CCND2: variants seen among roughly 807,000 people sequenced by gnomAD.
The protein encoded by CCND2 is cyclin D2.
A neutral mutation model predicts 30.2 loss-of-function variants in CCND2; 6 were observed. The observed-to-expected ratio is 0.20, with a 90% CI of 0.11 to 0.39. The LOEUF (loss-of-function observed/expected upper bound fraction) is 0.39. Among genes scored for constraint, CCND2 ranks in the 10% least tolerant of loss-of-function variants. CCND2 has a pLI of 1.00. For synonymous variants in CCND2, 150 were observed against 153.1 expected, an observed-to-expected ratio of 0.98 and a Z score of 0.15; for missense variants, 235 against 373.4, an observed-to-expected ratio of 0.63 and a Z score of 3.06.
rs1863903677 is a variant in CCND2 at position 4,278,555 on chromosome 12, G to C, written c.412-205G>C. 8.7e-6 allele frequency: 4 copies of C among 457,600 alleles called. No individual in the cohort carries two copies. In the East Asian group the frequency reaches 1.3e-4, roughly 15 times the overall value. The allele number at this position is 457,600 out of a possible 1,614,324, so 28.3% of individuals were successfully genotyped here. ...ACCTGGGCTCTCATTATTTTCAGTG[G>C]AGCCTGACATTTGAAGCATAAGAAG... is the stretch of plus-strand genomic sequence containing the variant. On this transcript the variant is annotated intron_variant, in intron 2 of 4. Coordinates refer to ENST00000261254, the MANE Select transcript of CCND2 (RefSeq NM_001759.4).
At chr12:4,284,949 T>C (rs1474124309) in intron 3 of CCND2, among the ~76,000 whole-genome samples, 1 of 152,132 alleles carries the variant, frequency 6.6e-6, no homozygotes, top group African/African-American at 2.4e-5. Flanking sequence ...TTGGCCAGAC[T>C]GGTCTCGAAC....
At chr12:4,289,159 T>C (rs1159202556) in intron 4 of CCND2, 169 bp downstream of exon 4, 5 of 341,702 alleles carry the variant, frequency 1.5e-5, no homozygotes, top group Non-Finnish European at 2.4e-5. Flanking sequence ...CTTAAGGTTC[T>C]GAAAAGCTGT....
At chr12:4,275,078 A>C (rs920152157) in intron 1 of CCND2, 1 of 148,624 alleles carries the variant, frequency 6.7e-6, no homozygotes, top group South Asian at 2.2e-4. Context: ...GAAGGGGGGG[A>C]GGGGGTGTGT....
chr12:4,291,419 C>T (rs1039943164), intron 4 of CCND2, among the ~76,000 whole-genome samples: 9 of 152,022 alleles, frequency 5.9e-5, no homozygotes, highest in Admixed American at 2.0e-4. Context: ...GGTGTATTTC[C>T]TTCATTCGTT....
intron 3 of CCND2, among the ~76,000 whole-genome samples, chr12:4,286,717 A>G (rs1408758247): frequency 6.6e-6 from 1 of 152,210 alleles, no homozygotes; most frequent in Non-Finnish European, 1.5e-5. Flanking sequence ...TCCCTGTGCA[A>G]CCGGTGCACC....
chr12:4,288,256 G>A (rs1340286340), intron 3 of CCND2, among the ~76,000 whole-genome samples: 1 of 145,810 alleles, frequency 6.9e-6, no homozygotes, highest in South Asian at 2.1e-4. Flanking sequence ...TTTTTTTTGG[G>A]TGGGGGTCAT....
chr12:4,279,686 T>C (rs1470720060), intron 3 of CCND2, among the ~76,000 whole-genome samples: 1 of 145,016 alleles, frequency 6.9e-6, no homozygotes, highest in African/African-American at 2.5e-5. Flanking sequence ...TGCTGTTGTC[T>C]TATTAAACAG....
chr12:4,292,814 G>A (rs1262911781), intron 4 of CCND2, among the ~76,000 whole-genome samples: 1 of 152,172 alleles, frequency 6.6e-6, no homozygotes, highest in Non-Finnish European at 1.5e-5. Flanking sequence ...AGAGGGGAGG[G>A]TGCCACTGGC....
In CCND2 at chr12:4,273,982, C is replaced by G. The variant is rs1565430566; in HGVS notation, c.-59C>G. ...CCCCTCCCCTTCCAAAAAACAAAAA[C>G]AGAAAAACCTTTTTCCAGGCCGGGG... On this transcript the variant is annotated 5_prime_UTR_variant, in exon 1 of 5. Transcript: ENST00000261254. The surrounding 1 kb of genome is among the most constrained non-coding windows in gnomAD (Gnocchi z 5.9). 11 of 1,540,332 alleles carry G rather than the reference C, an allele frequency of 7.1e-6. No homozygotes were observed. The highest frequency in any genetic ancestry group is 9.7e-6 in the Non-Finnish European group (11 of 1,138,224).
In CCND2 at chr12:4,299,036, A is replaced by T. The variant is rs549937207; in HGVS notation, c.721-824A>T. On this transcript the variant is annotated intron_variant, in intron 4 of 4. Transcript: ENST00000261254. This position sits in a 1 kb window ranked among gnomAD's most constrained non-coding sequence, Gnocchi z 5.2. The stretch of plus-strand genomic sequence containing the variant: ...TCTTTATGAGAGTTAAGGAAATGGT[A>T]AAGAAGCAGAAAAAGTTGGGGATTT... 6.6e-6 allele frequency among the ~76,000 whole-genome samples: 1 copy of T among 151,816 alleles called. No homozygotes were observed. The highest frequency in any genetic ancestry group is 2.4e-5 in the African/African-American group (1 of 41,202).
intron 4 of CCND2, among the ~76,000 whole-genome samples, chr12:4,294,297 A>C (rs1864137296): frequency 6.6e-6 from 1 of 150,932 alleles, no homozygotes. Flanking sequence ...GAAGGGGGCA[A>C]GGGAGGGGGC....
At position 4,274,004 on chromosome 12, in the gene CCND2, G is replaced by T; in HGVS notation, c.-37G>T. The stretch of plus-strand genomic sequence containing the variant: ...AAACAGAAAAACCTTTTTCCAGGCC[G>T]GGGAAAGCAGGAGGGAGAGGGGCCG... On this transcript the variant is annotated 5_prime_UTR_variant, in exon 1 of 5. Coordinates refer to ENST00000261254, the MANE Select transcript of CCND2 (RefSeq NM_001759.4). The surrounding 1 kb of genome is among the most constrained non-coding windows in gnomAD (Gnocchi z 7.7). The T allele has an allele frequency of 6.3e-7, 1 of 1,588,954 alleles. No individual in the cohort carries two copies. Among genetic ancestry groups the T allele is most frequent in the Non-Finnish European group, 8.6e-7 (1 of 1,166,166 alleles).
chr12:4,303,057 A>T lies in CCND2; in HGVS notation c.*3048A>T, dbSNP rs1376602926. 5 of 233,274 alleles carry T rather than the reference A, an allele frequency of 2.1e-5. No individual in the cohort carries two copies. Among genetic ancestry groups the T allele is most frequent in the Non-Finnish European group, 3.4e-5 (4 of 118,096 alleles). The allele number at this position is 233,274 out of a possible 1,614,324, so 14.5% of individuals were successfully genotyped here. A position where few individuals can be genotyped will look rare whatever the true frequency, so the allele number is the denominator to read the frequency against. ...AGAAACCGAGGTGCAAATTCATTTC[A>T]TGGTGACTGACCCTTGAGCTTAAAC... On this transcript the variant is annotated 3_prime_UTR_variant, in exon 5 of 5. Transcript: ENST00000261254. This position sits in a 1 kb window ranked among gnomAD's most constrained non-coding sequence, Gnocchi z 4.6.
At chr12:4,290,193 G>T (rs373025974) in intron 4 of CCND2, among the ~76,000 whole-genome samples, 1 of 152,184 alleles carries the variant, frequency 6.6e-6, no homozygotes, top group Non-Finnish European at 1.5e-5. Context: ...CGGCCTCCTC[G>T]CCCGCCCACC....
intron 4 of CCND2, among the ~76,000 whole-genome samples, chr12:4,292,727 T>G (rs1401647672): frequency 6.6e-6 from 1 of 152,174 alleles, no homozygotes; most frequent in African/African-American, 2.4e-5. Context: ...TCGTAAGAGT[T>G]GCTAAAAACA....
intron 4 of CCND2, among the ~76,000 whole-genome samples, chr12:4,295,646 G>A (rs557372268): frequency 4.6e-5 from 7 of 152,102 alleles, no homozygotes; most frequent in South Asian, 2.1e-4. Flanking sequence ...GGGTGATGGC[G>A]TGCACCTGTA....
At chr12:4,277,983 C>T (rs1022501217) in intron 2 of CCND2, among the ~76,000 whole-genome samples, 1 of 99,558 alleles carries the variant, frequency 1.0e-5, no homozygotes, top group Non-Finnish European at 2.3e-5. Flanking sequence ...TGGTGAGAGA[C>T]CCAAGAGACA....
At chr12:4,278,646 C>A in intron 2 of CCND2, 114 bp from the exon 3 acceptor site, 1 of 963,078 alleles carries the variant, frequency 1.0e-6, no homozygotes, top group Non-Finnish European at 1.6e-6. Flanking sequence ...AATCTAGCAG[C>A]CACGTCCTAA....
At chr12:4,288,227 T>C (rs1864049333) in intron 3 of CCND2, among the ~76,000 whole-genome samples, 1 of 139,644 alleles carries the variant, frequency 7.2e-6, no homozygotes, top group Admixed American at 7.7e-5. Flanking sequence ...TTTCCTTTTT[T>C]AGATCAAACC....
Sources: allele counts gnomAD v4.1 joint callset (sites outside exome capture counted in the v4.1 genomes callset), GRCh38; gene constraint gnomAD v4.1.1; non-coding constraint Gnocchi (gnomAD v3.1); transcripts MANE v1.5; gene names NCBI Gene and HGNC (gene_info 2026-07-23, HGNC 2026-07-21).